The following AUTS2 variants were observed in gnomAD, a reference collection of about 807,000 sequenced individuals.
AUTS2 encodes activator of transcription and developmental regulator AUTS2, also known as autism susceptibility gene 2 protein.
Under a neutral mutation model 112.4 loss-of-function variants are expected in AUTS2, and 17 were observed. The observed-to-expected ratio is 0.15, with a 90% CI of 0.10 to 0.23. AUTS2 has a LOEUF of 0.23. Ranked by LOEUF, AUTS2 falls within the 10% of genes least tolerant of loss-of-function variation. The pLI, the probability that AUTS2 is intolerant of heterozygous loss-of-function variation, is 1.00. For synonymous variants in AUTS2, 751 were observed against 702.7 expected (o/e 1.07, Z -1.09); for missense variants, 1,510 against 1,701.6 (o/e 0.89, Z 1.98).
chr7:70,087,430 C>T (rs1584700951), intron 2 of AUTS2, among the ~76,000 whole-genome samples: 1 of 149,216 alleles, frequency 6.7e-6, no homozygotes, highest in South Asian at 2.1e-4. Flanking sequence ...AGTGCAATGG[C>T]GTGATCTCGG....
intron 1 of AUTS2, among the ~76,000 whole-genome samples, chr7:69,792,248 G>T (rs59585486): frequency 0.38 from 56,221 of 146,758 alleles, 10,815 homozygotes; most frequent in African/African-American, 0.46. Context: ...TTTTTGTTTT[G>T]TTTTTTTTTA....
At chr7:70,374,937 A>G (rs1303299654) in intron 4 of AUTS2, among the ~76,000 whole-genome samples, 1 of 152,180 alleles carries the variant, frequency 6.6e-6, no homozygotes. Context: ...CCATAGACCC[A>G]GTAGAAAGGC....
At chr7:69,696,114 G>A (rs1333994970) in intron 1 of AUTS2, among the ~76,000 whole-genome samples, 1 of 152,102 alleles carries the variant, frequency 6.6e-6, no homozygotes, top group Non-Finnish European at 1.5e-5. Flanking sequence ...TTTTCTTTTT[G>A]CGATTTCTCC....
intron 1 of AUTS2, among the ~76,000 whole-genome samples, chr7:69,697,436 G>T (rs1180312661): frequency 6.6e-6 from 1 of 152,192 alleles, no homozygotes; most frequent in African/African-American, 2.4e-5. Context: ...AGTTGAGAGA[G>T]GATTAAATTA....
intron 2 of AUTS2, among the ~76,000 whole-genome samples, chr7:70,023,481 A>G (rs1800373852): frequency 6.6e-6 from 1 of 152,184 alleles, no homozygotes; most frequent in African/African-American, 2.4e-5. Context: ...GGGCACAGGC[A>G]TTGGAGTCTG....
chr7:70,673,983 G>T (rs1807779747), intron 5 of AUTS2, among the ~76,000 whole-genome samples: 2 of 152,216 alleles, frequency 1.3e-5, no homozygotes, highest in South Asian at 4.1e-4. Flanking sequence ...CTTCAGAGAT[G>T]ACAGATCTCA....
chr7:69,637,957 C>G (rs187340920), intron 1 of AUTS2, among the ~76,000 whole-genome samples: 1 of 152,220 alleles, frequency 6.6e-6, no homozygotes, highest in Non-Finnish European at 1.5e-5. Flanking sequence ...AGAATAGATA[C>G]ACAGGAGAGT....
At chr7:70,104,176 C>CT (rs11294643) in intron 2 of AUTS2, among the ~76,000 whole-genome samples, 4,930 of 142,108 alleles carry the variant, frequency 0.035, 88 homozygotes, top group Middle Eastern at 0.068. Context: ...ATATATACAC[C>CT]TTTTTTTTTT....
At chr7:69,781,987 A>G (rs1488519279) in intron 1 of AUTS2, among the ~76,000 whole-genome samples, 1 of 152,208 alleles carries the variant, frequency 6.6e-6, no homozygotes, top group African/African-American at 2.4e-5. Flanking sequence ...CCTTCAGAAT[A>G]ACCCGAGGGA....
At chr7:70,060,433 A>G (rs1372374206) in intron 2 of AUTS2, among the ~76,000 whole-genome samples, 2 of 152,332 alleles carry the variant, frequency 1.3e-5, no homozygotes, top group East Asian at 3.9e-4. Context: ...ACTCTACCCC[A>G]GAAGTCCTGT....
At chr7:69,904,283 T>C (rs2129541231) in intron 2 of AUTS2, among the ~76,000 whole-genome samples, 2 of 152,354 alleles carry the variant, frequency 1.3e-5, no homozygotes, top group South Asian at 4.1e-4. Flanking sequence ...CTTACTGCTT[T>C]TGTCTGAAGA....
rs1278439737 is a variant in AUTS2 at position 70,792,739 on chromosome 7, G to C, written c.*1743G>C. On this transcript the variant is annotated 3_prime_UTR_variant, in exon 19 of 19. Coordinates refer to ENST00000342771, the MANE Select transcript of AUTS2 (RefSeq NM_015570.4). ...TACGGACCTTTTTGCTGTTTATCCT[G>C]TATGTAATAAAGTCCTTTCTAGATC... The C allele has an allele frequency of 6.6e-6, 1 of 152,314 alleles. No individual in the cohort carries two copies. The highest frequency in any genetic ancestry group is 1.5e-5 in the Non-Finnish European group (1 of 68,006). 9.4% of individuals were successfully genotyped at this position (152,314 alleles called of 1,614,324 possible).
At chr7:70,781,906 C>G in intron 15 of AUTS2, 150 bp downstream of exon 15, 1 of 983,202 alleles carries the variant, frequency 1.0e-6, no homozygotes, top group Non-Finnish European at 1.5e-6. Context: ...GCAGCACATC[C>G]AGGGAGTTGG....
chr7:70,405,425 C>T (rs902234773), intron 4 of AUTS2, among the ~76,000 whole-genome samples: 1 of 152,192 alleles, frequency 6.6e-6, no homozygotes, highest in African/African-American at 2.4e-5. Context: ...CTTTTTCTGT[C>T]AACCTGTCAC....
chr7:70,556,957 T>A (rs1228915217), intron 5 of AUTS2, among the ~76,000 whole-genome samples: 2 of 152,206 alleles, frequency 1.3e-5, no homozygotes, highest in Non-Finnish European at 2.9e-5. Flanking sequence ...TCTAGTCTCC[T>A]CTTGGCTGAC....
chr7:69,744,782 A>G (rs1180325612), intron 1 of AUTS2, among the ~76,000 whole-genome samples: 1 of 152,196 alleles, frequency 6.6e-6, no homozygotes, highest in Admixed American at 6.5e-5. Context: ...GTGAGCTATA[A>G]TCACACCGCT....
chr7:70,571,706 A>G (rs1168514094), intron 5 of AUTS2, among the ~76,000 whole-genome samples: 1 of 152,152 alleles, frequency 6.6e-6, no homozygotes, highest in African/African-American at 2.4e-5. Context: ...TCTGTGGAGG[A>G]GCCTTGGGGA....
At chr7:70,656,581 TA>T (rs1806780713) in intron 5 of AUTS2, among the ~76,000 whole-genome samples, 1 of 152,204 alleles carries the variant, frequency 6.6e-6, no homozygotes, top group Non-Finnish European at 1.5e-5. Context: ...CCATAACTAT[TA>T]TCTGCATTTG....
intron 2 of AUTS2, among the ~76,000 whole-genome samples, chr7:70,073,025 C>T (rs1436423795): frequency 1.2e-4 from 14 of 119,690 alleles, no homozygotes; most frequent in East Asian, 2.7e-4. Flanking sequence ...CTCTCCCCTC[C>T]CCTCCCCTCC....
Sources: allele counts gnomAD v4.1 joint callset (sites outside exome capture counted in the v4.1 genomes callset), GRCh38; gene constraint gnomAD v4.1.1; transcripts MANE v1.5; gene names NCBI Gene and HGNC (gene_info 2026-07-23, HGNC 2026-07-21).